Variants in PCGF3 observed in about 807,000 individuals in gnomAD.
PCGF3 encodes the protein polycomb group RING finger protein 3.
PCGF3 carries 7 observed loss-of-function variants against 33.1 expected under a neutral mutation model. That is an observed-to-expected ratio of 0.21 (90% CI 0.12 to 0.40). The LOEUF (loss-of-function observed/expected upper bound fraction) is 0.40, where lower values mean the gene tolerates loss of function less well. PCGF3 is among the 10% of genes least tolerant of loss of function. PCGF3 has a pLI of 1.00. For missense variants in PCGF3, 211 were observed against 313.3 expected (o/e 0.67, Z 2.46); for synonymous variants, 153 against 121.3 (o/e 1.26, Z -1.72).
At chr4:707,402 G>T (rs1266541558) in intron 1 of PCGF3, among the ~76,000 whole-genome samples, 1 of 152,224 alleles carries the variant, frequency 6.6e-6, no homozygotes, top group East Asian at 1.9e-4. Flanking sequence ...GAGCAGTCTT[G>T]TGAGTCCTGT....
At chr4:762,001 C>G in intron 9 of PCGF3, 8 of 985,318 alleles carry the variant, frequency 8.1e-6, no homozygotes, top group Non-Finnish European at 9.6e-6. Context: ...CAGAAATGGA[C>G]GCAGGAGAGG....
At position 761,820 on chromosome 4, in the gene PCGF3, A is replaced by C. The variant is rs1241433884; in HGVS notation, c.600+404A>C. 7.8e-5 allele frequency: 77 copies of C among 985,436 alleles called. No homozygotes were observed. In the South Asian group the frequency reaches 3.0e-3, roughly 38 times the overall value. The allele number at this position is 985,436 out of a possible 1,614,324, so 61.0% of individuals were successfully genotyped here. A position where few individuals can be genotyped will look rare whatever the true frequency, so the allele number is the denominator to read the frequency against. On this transcript the variant is annotated intron_variant, in intron 9 of 10. Coordinates refer to ENST00000362003, the Ensembl canonical transcript of PCGF3. ...AGTGCTGGCATGAGGCGGCCTTGGC[A>C]GCGGGCGCACCATGAACATGCCAGT...
chr4:749,067 T>C (rs1413882806), intron 8 of PCGF3, among the ~76,000 whole-genome samples: 1 of 152,268 alleles, frequency 6.6e-6, no homozygotes, highest in Non-Finnish European at 1.5e-5. Flanking sequence ...TGTTTACTTT[T>C]ACTAATATTT....
At chr4:769,609 G>A (rs935615999) in exon 11 of PCGF3, 2 of 152,634 alleles carry the variant, frequency 1.3e-5, no homozygotes, top group African/African-American at 2.4e-5. Context: ...TGGCCACGTG[G>A]CCAAGGCCCT....
chr4:742,356 G>A (rs1343742403), intron 6 of PCGF3, among the ~76,000 whole-genome samples: 1 of 152,228 alleles, frequency 6.6e-6, no homozygotes, highest in East Asian at 1.9e-4. Flanking sequence ...TGTAGGTTGG[G>A]GTATGCCCAG....
At chr4:729,645 C>G (rs1460430269) in intron 1 of PCGF3, among the ~76,000 whole-genome samples, 1 of 152,120 alleles carries the variant, frequency 6.6e-6, no homozygotes, top group Non-Finnish European at 1.5e-5. Flanking sequence ...GCCTGCTGAT[C>G]TCCCCTTATA....
chr4:724,866 G>A (rs768806620), intron 1 of PCGF3, among the ~76,000 whole-genome samples: 4 of 152,066 alleles, frequency 2.6e-5, no homozygotes, highest in Non-Finnish European at 5.9e-5. Flanking sequence ...ATGGGAGGCT[G>A]AGACAGAATT....
intron 1 of PCGF3, among the ~76,000 whole-genome samples, chr4:722,944 C>T (rs551276842): frequency 2.2e-4 from 30 of 135,720 alleles, no homozygotes; most frequent in Admixed American, 3.0e-4. Flanking sequence ...GGTCCACACT[C>T]GCGACATCGC....
At chr4:710,840 C>T (rs1354354622) in intron 1 of PCGF3, among the ~76,000 whole-genome samples, 1 of 152,216 alleles carries the variant, frequency 6.6e-6, no homozygotes, top group Non-Finnish European at 1.5e-5. Context: ...CCAGAGTCCC[C>T]TCATTTTCTT....
chr4:756,899 G>A (rs542546259), intron 8 of PCGF3: 6 of 152,222 alleles, frequency 3.9e-5, no homozygotes, highest in Admixed American at 2.0e-4. Flanking sequence ...GTGAATTTAC[G>A]GAAAATTATT....
At position 711,732 on chromosome 4, in the gene PCGF3, C is replaced by T. The variant is rs529905542; in HGVS notation, c.-190+5762C>T. Among the ~76,000 whole-genome samples, 14 of 152,038 alleles carry T rather than the reference C, an allele frequency of 9.2e-5. No individual in the cohort carries two copies. In the East Asian group the frequency reaches 2.3e-3, roughly 25 times the overall value. On this transcript the variant is annotated intron_variant, in intron 1 of 10. Coordinates refer to ENST00000362003, the Ensembl canonical transcript of PCGF3. ...TCGGCCTCCCAAAGTGCTGGGATTACAGGCGTGAGCCACCGCACCCGGCCG... is the reference window on the plus strand; with the variant it reads ...TCGGCCTCCCAAAGTGCTGGGATTATAGGCGTGAGCCACCGCACCCGGCCG...
At position 760,041 on chromosome 4, in the gene PCGF3, G is replaced by A. The variant is rs533949071; in HGVS notation, c.463-1238G>A. ...TCCTGTGATGCTTGCAGGCGGCCTC[G>A]CTCCATCCCACCCCGGAGCAAGGAT... On this transcript the variant is annotated intron_variant, in intron 8 of 10. Transcript: ENST00000362003. Among the ~76,000 whole-genome samples the A allele has an allele frequency of 2.6e-4, 40 of 152,278 alleles. 1 individual carries two copies. The highest frequency in any genetic ancestry group is 1.1e-3 in the Admixed American group (17 of 15,290).
chr4:760,482 T>C (rs1172917308), intron 8 of PCGF3, among the ~76,000 whole-genome samples: 1 of 152,234 alleles, frequency 6.6e-6, no homozygotes, highest in African/African-American at 2.4e-5. Flanking sequence ...AAATTGTATC[T>C]GATTACCTTC....
At chr4:763,978 T>G (rs1745213549) in intron 9 of PCGF3, among the ~76,000 whole-genome samples, 1 of 152,120 alleles carries the variant, frequency 6.6e-6, no homozygotes, top group African/African-American at 2.4e-5. Context: ...GCCGTGCGAC[T>G]CCAGCTCTGC....
chr4:712,311 C>T (rs1742604004), intron 1 of PCGF3, among the ~76,000 whole-genome samples: 1 of 152,174 alleles, frequency 6.6e-6, no homozygotes, highest in African/African-American at 2.4e-5. Context: ...TAGAATTATC[C>T]ACTGAGTTAA....
chr4:744,577 C>A, intron 7 of PCGF3, 23 bp from the exon 8 acceptor site: 1 of 1,522,288 alleles, frequency 6.6e-7, no homozygotes, highest in Non-Finnish European at 8.9e-7. Flanking sequence ...TCATGGTGCG[C>A]TATGTTCTGT....
At chr4:731,426 G>A (rs538744445) in intron 3 of PCGF3, 106 of 364,578 alleles carry the variant, frequency 2.9e-4, no homozygotes, top group African/African-American at 1.9e-3. Context: ...AGCCCAGTGA[G>A]TTGTGAGGCG....
At chr4:761,016 G>A (rs755362551) in intron 8 of PCGF3, among the ~76,000 whole-genome samples, 1 of 152,222 alleles carries the variant, frequency 6.6e-6, no homozygotes, top group African/African-American at 2.4e-5. Context: ...GTAACTGTGG[G>A]ATTAACTCTC....
chr4:722,611 G>A lies in PCGF3; in HGVS notation c.-189-8019G>A, dbSNP rs112681541. Among the ~76,000 whole-genome samples, 6 of 144,588 alleles carry A rather than the reference G, an allele frequency of 4.1e-5. No individual in the cohort carries two copies. In the South Asian group the frequency reaches 6.8e-4, roughly 16 times the overall value. 94.9% of individuals were successfully genotyped at this position (144,588 alleles called of 152,430 possible). A position where few individuals can be genotyped will look rare whatever the true frequency, so the allele number is the denominator to read the frequency against. On this transcript the variant is annotated intron_variant, in intron 1 of 10. Transcript: ENST00000362003. ...ACTCGCGTCATCGCCCGTCCGCGCCGGGTCCACACTCAGTCATCGCCGTCC... is the reference window on the plus strand; with the variant it reads ...ACTCGCGTCATCGCCCGTCCGCGCCAGGTCCACACTCAGTCATCGCCGTCC...
Sources: gnomAD v4.1 joint callset for allele counts (sites outside exome capture counted in the v4.1 genomes callset) on GRCh38, gnomAD v4.1.1 for gene constraint, MANE v1.5 for transcripts, NCBI Gene and HGNC (gene_info 2026-07-23, HGNC 2026-07-21) for gene names.